DOP1A: variants seen among roughly 807,000 people sequenced by gnomAD.
DOP1A encodes the protein protein DOP1A.
Under a neutral mutation model 267.6 loss-of-function variants are expected in DOP1A, and 90 were observed. That is an observed-to-expected ratio of 0.34 (90% CI 0.28 to 0.40). The LOEUF is 0.40. Among genes scored for constraint, DOP1A ranks in the 10% least tolerant of loss-of-function variants. DOP1A has a pLI of 1.00. For synonymous variants in DOP1A, 932 were observed against 999.1 expected, an observed-to-expected ratio of 0.93 and a Z score of 1.27; for missense variants, 2,437 against 2,900.4, an observed-to-expected ratio of 0.84 and a Z score of 3.67.
chr6:83,155,786 T>C (rs1395222062), intron 33 of DOP1A, among the ~76,000 whole-genome samples, 165 bp from the exon 34 acceptor site: 2 of 152,250 alleles, frequency 1.3e-5, no homozygotes, highest in Non-Finnish European at 2.9e-5. Context: ...CTTATATACG[T>C]TGGATCTGTT....
At position 83,129,475 on chromosome 6, in the gene DOP1A, A is replaced by G. The variant is rs1181708555; in HGVS notation, c.2308A>G (p.Thr770Ala). 2 of 1,553,792 alleles carry G rather than the reference A, an allele frequency of 1.3e-6. No homozygotes were observed. The highest frequency in any genetic ancestry group is 1.7e-6 in the Non-Finnish European group (2 of 1,158,636). Residue 770 changes from threonine (T) to alanine (A), a missense_variant, in exon 16 of 39, where the codon ACA becomes GCA. Thr to Ala is a moderately conservative substitution (Grantham distance 58). Around this residue, in one of 9 missense-constraint regions of DOP1A, gnomAD observed 11 missense variants for 30.0 expected, o/e 0.37. Transcript: ENST00000349129. ...FPVYIAEGNHTSELRSEKLET... is the reference protein window; with the variant it reads ...FPVYIAEGNHASELRSEKLET... ...AGTTTACATTGCTGAGGGGAACCAT[A>G]CATCAGAGTTACGTTCTGAAAAATT...
chr6:83,154,312 T>A, intron 33 of DOP1A, 71 bp downstream of exon 33: 1 of 1,400,526 alleles, frequency 7.1e-7, no homozygotes, highest in Non-Finnish European at 1.0e-6. Flanking sequence ...ACTTGTACTC[T>A]TTTCTGGAGA....
At position 83,137,195 on chromosome 6, in the gene DOP1A, A is replaced by G. The variant is rs768754551; in HGVS notation, c.3153A>G (p.Thr1051=). Residue 1051 remains threonine, a synonymous_variant, in exon 21 of 39, where the codon ACA becomes ACG. Coordinates refer to ENST00000349129, the MANE Select transcript of DOP1A (RefSeq NM_015018.4). ...CAGTGAGCCAAGTACAACTCATCAC[A>G]TCAAAAGGAAATGGTGAAAAGCCAC... is the stretch of plus-strand genomic sequence containing the variant. ...CSNVSQVQLI[T]SKGNGEKPLT... is the part of the protein sequence containing the mutation. The G allele has an allele frequency of 6.4e-7, 1 of 1,571,618 alleles. No individual in the cohort carries two copies. Among genetic ancestry groups the G allele is most frequent in the Non-Finnish European group, 8.6e-7 (1 of 1,158,890 alleles).
chr6:83,167,394 T>C, intron 38 of DOP1A: 1 of 981,872 alleles, frequency 1.0e-6, no homozygotes, highest in Non-Finnish European at 1.2e-6. Context: ...TCATGGCAAA[T>C]TTAGGCCATT....
At chr6:83,129,697 T>C (rs1777729737) in intron 16 of DOP1A, among the ~76,000 whole-genome samples, 189 bp downstream of exon 16, 1 of 152,204 alleles carries the variant, frequency 6.6e-6, no homozygotes, top group African/African-American at 2.4e-5. Flanking sequence ...TTTGTGATTT[T>C]GATGTCTTTC....
intron 9 of DOP1A, 107 bp from the exon 10 acceptor site, chr6:83,120,576 G>C: frequency 2.5e-6 from 2 of 808,042 alleles, no homozygotes; most frequent in Non-Finnish European, 1.8e-6. Flanking sequence ...AGCAATAGTG[G>C]GTATAAGTCT....
At chr6:83,166,491 A>C (rs756395399) in intron 38 of DOP1A, 1 of 698,394 alleles carries the variant, frequency 1.4e-6, no homozygotes, top group Non-Finnish European at 2.6e-6. Context: ...GAAAATCGCT[A>C]AATTTGATTT....
intron 26 of DOP1A, among the ~76,000 whole-genome samples, chr6:83,148,547 C>A (rs1189939512): frequency 6.6e-6 from 1 of 152,126 alleles, no homozygotes; most frequent in Non-Finnish European, 1.5e-5. Context: ...CCAGCCTGGG[C>A]AACATGGTGA....
intron 27 of DOP1A, among the ~76,000 whole-genome samples, chr6:83,150,082 G>T (rs1159120360): frequency 6.6e-6 from 1 of 152,144 alleles, no homozygotes; most frequent in Non-Finnish European, 1.5e-5. Flanking sequence ...ATTTGATCAT[G>T]AAAAGAAAGA....
intron 4 of DOP1A, among the ~76,000 whole-genome samples, chr6:83,104,400 C>G (rs1773194773): frequency 6.6e-6 from 1 of 152,046 alleles, no homozygotes; most frequent in Non-Finnish European, 1.5e-5. Context: ...TTCAATCAAC[C>G]CTTCATTTCT....
chr6:83,080,651 C>A (rs993027206), intron 1 of DOP1A, among the ~76,000 whole-genome samples: 3 of 152,148 alleles, frequency 2.0e-5, no homozygotes, highest in African/African-American at 7.2e-5. Context: ...TGTAACCCAA[C>A]CTGCAGTACC....
At chr6:83,104,999 T>C (rs998377794) in intron 4 of DOP1A, among the ~76,000 whole-genome samples, 1 of 152,208 alleles carries the variant, frequency 6.6e-6, no homozygotes, top group Non-Finnish European at 1.5e-5. Context: ...CTGTCTATGC[T>C]CCACTCTCCT....
intron 1 of DOP1A, among the ~76,000 whole-genome samples, 196 bp downstream of exon 1, chr6:83,067,975 G>A (rs1244449166): frequency 6.6e-6 from 1 of 152,338 alleles, no homozygotes; most frequent in Admixed American, 6.5e-5. Flanking sequence ...GGAGTCGGGA[G>A]CTGCGCGGGG....
At chr6:83,117,803 T>C (rs1321612932) in intron 7 of DOP1A, among the ~76,000 whole-genome samples, 1 of 152,356 alleles carries the variant, frequency 6.6e-6, no homozygotes, top group East Asian at 1.9e-4. Flanking sequence ...TCTTGAACCA[T>C]ACTTTCAGAA....
At chr6:83,088,110 G>T (rs140070259) in intron 1 of DOP1A, among the ~76,000 whole-genome samples, 1,558 of 152,204 alleles carry the variant, frequency 0.01, 22 homozygotes, top group African/African-American at 0.035. Context: ...CTGACCTCAT[G>T]ATCTACCCCT....
rs1003515342 is a variant in DOP1A, at chr6:83,164,510, G to C, written c.7092+1591G>C. ...CTTTATCTAAATAATAAATATGACA[G>C]TCTTTTGCCCAAAATTTGTCCCACA... On this transcript the variant is annotated intron_variant, in intron 38 of 38. Coordinates refer to ENST00000349129, the MANE Select transcript of DOP1A (RefSeq NM_015018.4). 9 of 727,592 alleles carry C rather than the reference G, an allele frequency of 1.2e-5. No individual in the cohort carries two copies. In the African/African-American group the frequency reaches 1.6e-4, roughly 13 times the overall value. 45.1% of individuals were successfully genotyped at this position (727,592 alleles called of 1,614,324 possible). A position where few individuals can be genotyped will look rare whatever the true frequency, so the allele number is the denominator to read the frequency against.
At chr6:83,128,643 T>G (rs1287405771) in intron 15 of DOP1A, among the ~76,000 whole-genome samples, 1 of 152,156 alleles carries the variant, frequency 6.6e-6, no homozygotes, top group Non-Finnish European at 1.5e-5. Context: ...AACAAGGATA[T>G]AGATCCTAGA....
chr6:83,113,423 TA>T lies in DOP1A; in HGVS notation c.780+6del, dbSNP rs1774889957. On this transcript the variant is annotated splice_donor_region_variant and intron_variant, in intron 7 of 38. Coordinates refer to ENST00000349129, the MANE Select transcript of DOP1A (RefSeq NM_015018.4). Reference sequence around the variant, plus strand: ...TGTTTTCCATTCCACATGAGTCAGGTAAAATATTAACGCCGATGTTATTATA... The same window carrying T: ...TGTTTTCCATTCCACATGAGTCAGGTAAATATTAACGCCGATGTTATTATA... 6.2e-7 allele frequency: 1 copy of T among 1,611,568 alleles called. No individual in the cohort carries two copies. Among genetic ancestry groups the T allele is most frequent in the African/African-American group, 1.3e-5 (1 of 74,970 alleles).
intron 15 of DOP1A, among the ~76,000 whole-genome samples, chr6:83,128,401 T>C (rs1168434743): frequency 6.6e-6 from 1 of 152,170 alleles, no homozygotes; most frequent in Non-Finnish European, 1.5e-5. Flanking sequence ...TGGCACATGA[T>C]AGGAGTTCAG....
Sources: allele counts gnomAD v4.1 joint callset (sites outside exome capture counted in the v4.1 genomes callset), GRCh38; gene constraint gnomAD v4.1.1; regional missense constraint gnomAD v4.1.1; transcripts MANE v1.5; gene names NCBI Gene and HGNC (gene_info 2026-07-23, HGNC 2026-07-21).